Variants in PRKAR1A observed in about 807,000 individuals in gnomAD.
PRKAR1A encodes protein kinase cAMP-dependent type I regulatory subunit alpha, also known as cAMP-dependent protein kinase type I-alpha regulatory subunit.
Under a neutral mutation model 52.0 loss-of-function variants are expected in PRKAR1A, and 3 were observed. The observed-to-expected ratio is 0.06, with a 90% CI of 0.03 to 0.15. PRKAR1A has a LOEUF of 0.15. Ranked by LOEUF, PRKAR1A falls within the 10% of genes least tolerant of loss-of-function variation. PRKAR1A has a pLI of 1.00. For missense variants in PRKAR1A, 240 were observed against 477.4 expected, an observed-to-expected ratio of 0.50 and a Z score of 4.63; for synonymous variants, 188 against 168.4, an observed-to-expected ratio of 1.12 and a Z score of -0.90.
the PRKAR1A span, chr17:68,434,463 G>C: frequency 2.2e-6 from 3 of 1,349,060 alleles, no homozygotes; most frequent in South Asian, 2.6e-5. Flanking sequence ...GGAGGGCACA[G>C]AGCCACTCTC....
At chr17:68,488,800 G>A in the PRKAR1A span, among the ~76,000 whole-genome samples, 1 of 150,650 alleles carries the variant, frequency 6.6e-6, no homozygotes, top group African/African-American at 2.4e-5. Context: ...TCTGCCACAT[G>A]GTTCTATAAA....
At chr17:68,452,899 C>T in the PRKAR1A span, 1 of 1,613,052 alleles carries the variant, frequency 6.2e-7, no homozygotes, top group Non-Finnish European at 8.5e-7. Context: ...GTCTCTCTCA[C>T]ACACACTTAC....
At chr17:68,549,524 A>G (rs1482121285) in intron 11 of PRKAR1A, among the ~76,000 whole-genome samples, 1 of 151,526 alleles carries the variant, frequency 6.6e-6, no homozygotes, top group African/African-American at 2.4e-5. Flanking sequence ...GAGACATCCT[A>G]TTGTGCCACA....
chr17:68,548,487 A>AC (rs1404769581), intron 11 of PRKAR1A, among the ~76,000 whole-genome samples: 13 of 151,844 alleles, frequency 8.6e-5, no homozygotes, highest in African/African-American at 2.7e-4. Context: ...CTGAGATTGA[A>AC]CCATTGCACT....
the PRKAR1A span, among the ~76,000 whole-genome samples, chr17:68,494,166 C>A: frequency 6.6e-6 from 1 of 152,202 alleles, no homozygotes; most frequent in Non-Finnish European, 1.5e-5. Flanking sequence ...AGCCAAAGAG[C>A]TTTAACACTC....
chr17:68,542,966 G>T (rs2086377690), intron 11 of PRKAR1A, among the ~76,000 whole-genome samples: 1 of 152,146 alleles, frequency 6.6e-6, no homozygotes, highest in South Asian at 2.1e-4. Context: ...TAGTGCCCAG[G>T]TCAACACTGG....
At chr17:68,517,028 T>C (rs1047445710) in intron 2 of PRKAR1A, among the ~76,000 whole-genome samples, 5 of 152,250 alleles carry the variant, frequency 3.3e-5, no homozygotes, top group African/African-American at 1.2e-4. Context: ...TGTGTGATGC[T>C]AGTTTCAAAG....
rs767405408 is a variant in PRKAR1A, at chr17:68,525,771, A to C, written c.567A>C (p.Glu189Asp). The change falls in exon 7 of 11, where the codon GAA (glutamate) becomes GAC (aspartate). Residue 189 changes from glutamate to aspartate, a missense_variant. Glu to Asp is a conservative substitution (Grantham distance 45). This residue lies in a region of PRKAR1A where 107 missense variants were observed against 290.9 expected (regional missense o/e 0.37). Transcript: ENST00000589228. ...CACTTTAGGTCTATGTTAACAATGA[A>C]TGGGCAACCAGTGTTGGGGAAGGAG... ...QGETDVYVNN[E>D]WATSVGEGGS... 1.5e-5 allele frequency: 24 copies of C among 1,613,882 alleles called. No homozygotes were observed. In the East Asian group the frequency reaches 5.3e-4, roughly 36 times the overall value.
the PRKAR1A span, among the ~76,000 whole-genome samples, chr17:68,464,964 T>C: frequency 2.0e-5 from 3 of 151,078 alleles, no homozygotes; most frequent in African/African-American, 7.3e-5. Context: ...CTTGCTCTGT[T>C]GCCCAGGCTG....
At chr17:68,492,636 C>T in the PRKAR1A span, among the ~76,000 whole-genome samples, 1 of 152,122 alleles carries the variant, frequency 6.6e-6, no homozygotes, top group Non-Finnish European at 1.5e-5. Flanking sequence ...GGAACGTATC[C>T]AAGTCACACA....
At chr17:68,447,237 A>T in the PRKAR1A span, among the ~76,000 whole-genome samples, 2 of 152,204 alleles carry the variant, frequency 1.3e-5, no homozygotes, top group Non-Finnish European at 1.5e-5. Flanking sequence ...CTGCAAAAGA[A>T]CTGTAAAAGT....
At chr17:68,469,315 C>G in the PRKAR1A span, among the ~76,000 whole-genome samples, 2 of 152,066 alleles carry the variant, frequency 1.3e-5, no homozygotes, top group Non-Finnish European at 2.9e-5. Flanking sequence ...CCACATAGCT[C>G]AATTTCTTCT....
the PRKAR1A span, among the ~76,000 whole-genome samples, chr17:68,443,464 T>C: frequency 0.79 from 120,021 of 152,158 alleles, 47,572 homozygotes; most frequent in African/African-American, 0.85. Context: ...GTGAAAGCAC[T>C]GAAATCAACA....
chr17:68,514,694 G>GT (rs1487854584), intron 1 of PRKAR1A: 1 of 152,188 alleles, frequency 6.6e-6, no homozygotes, highest in Non-Finnish European at 1.5e-5. Flanking sequence ...ATGTTTTACA[G>GT]TTTATGTGGT....
upstream of PRKAR1A, among the ~76,000 whole-genome samples, chr17:68,507,123 C>T (rs28673226): frequency 0.018 from 2,796 of 152,294 alleles, 107 homozygotes; most frequent in African/African-American, 0.063. Flanking sequence ...AACCTGGATA[C>T]ATTAACAAGA....
chr17:68,530,273 C>T lies in PRKAR1A; in HGVS notation c.974-4C>T, dbSNP rs1472795466. The T allele has an allele frequency of 1.2e-6, 2 of 1,614,096 alleles. No individual in the cohort carries two copies. The highest frequency in any genetic ancestry group is 2.2e-5 in the South Asian group (2 of 91,086). On this transcript the variant is annotated splice_region_variant and splice_polypyrimidine_tract_variant and intron_variant, in intron 10 of 10. Transcript: ENST00000589228. ...AGCCTGTTACCCATCTTTGCTTTCT[C>T]CAGGTGAAATTGCACTACTGATGAA... is the stretch of plus-strand genomic sequence containing the variant.
At chr17:68,483,608 T>TCCCA in the PRKAR1A span, among the ~76,000 whole-genome samples, 2 of 152,202 alleles carry the variant, frequency 1.3e-5, no homozygotes, top group Non-Finnish European at 2.9e-5. Flanking sequence ...ATGCCTGTAA[T>TCCCA]CCCAGCACTT....
chr17:68,458,005 C>G, the PRKAR1A span, among the ~76,000 whole-genome samples: 2 of 152,234 alleles, frequency 1.3e-5, no homozygotes, highest in Admixed American at 1.3e-4. Context: ...CGCCCAGACC[C>G]CTTGCCATGT....
At chr17:68,433,957 A>G in the PRKAR1A span, among the ~76,000 whole-genome samples, 2 of 151,542 alleles carry the variant, frequency 1.3e-5, no homozygotes, top group Admixed American at 6.6e-5. Context: ...TAATTTTTGT[A>G]TTTTTAGTAG....
Sources: allele counts gnomAD v4.1 joint callset (sites outside exome capture counted in the v4.1 genomes callset), GRCh38; gene constraint gnomAD v4.1.1; regional missense constraint gnomAD v4.1.1; transcripts MANE v1.5; gene names NCBI Gene and HGNC (gene_info 2026-07-23, HGNC 2026-07-21).